BCAR3: variants seen among roughly 807,000 people sequenced by gnomAD.
The protein encoded by BCAR3 is breast cancer anti-estrogen resistance protein 3.
In BCAR3, 37 loss-of-function variants were observed where a neutral mutation model predicts 80.1. The ratio of observed to expected loss-of-function variants is 0.46; its 90% CI spans 0.36 to 0.61. The LOEUF (loss-of-function observed/expected upper bound fraction) is 0.61, where lower values mean the gene tolerates loss of function less well. Ranked by LOEUF, BCAR3 falls within the 20% of genes least tolerant of loss-of-function variation. BCAR3 has a pLI of 0.00. For synonymous variants in BCAR3, 389 were observed against 418.9 expected, an observed-to-expected ratio of 0.93 and a Z score of 0.87; for missense variants, 978 against 1,068.2, an observed-to-expected ratio of 0.92 and a Z score of 1.18.
chr1:93,666,499 G>A (rs753532709), intron 2 of BCAR3, among the ~76,000 whole-genome samples: 2 of 152,070 alleles, frequency 1.3e-5, no homozygotes, highest in Admixed American at 1.3e-4. Context: ...TTGTAGTTAC[G>A]TACTTAATGA....
intron 2 of BCAR3, among the ~76,000 whole-genome samples, chr1:93,809,895 TAGA>T (rs1414645651): frequency 6.6e-6 from 1 of 151,558 alleles, no homozygotes; most frequent in Non-Finnish European, 1.5e-5. Context: ...GGCATGCAGT[TAGA>T]AGGATATAAA....
At chr1:93,845,471 T>G (rs1005485257) in intron 2 of BCAR3, 9 of 1,490 alleles carry the variant, frequency 6.0e-3, no homozygotes, top group African/African-American at 0.022. Context: ...TTTATATATA[T>G]ATATATATAT....
At chr1:93,763,119 G>A (rs1234146269) in intron 2 of BCAR3, among the ~76,000 whole-genome samples, 1 of 152,110 alleles carries the variant, frequency 6.6e-6, no homozygotes, top group African/African-American at 2.4e-5. Flanking sequence ...TTACAAGTGT[G>A]GTAGCATGAA....
chr1:93,846,010 C>T (rs1655162819), intron 1 of BCAR3, among the ~76,000 whole-genome samples: 1 of 152,058 alleles, frequency 6.6e-6, no homozygotes, highest in South Asian at 2.1e-4. Context: ...AAATATGATT[C>T]ATCACAGTTC....
chr1:93,566,684 C>A (rs1025307819), intron 11 of BCAR3, among the ~76,000 whole-genome samples: 14 of 152,168 alleles, frequency 9.2e-5, no homozygotes, highest in Non-Finnish European at 1.8e-4. Context: ...CATCTTGGCA[C>A]ATCACCTTTT....
At chr1:93,714,289 C>G (rs1369770428) in intron 2 of BCAR3, among the ~76,000 whole-genome samples, 1 of 152,210 alleles carries the variant, frequency 6.6e-6, no homozygotes, top group Non-Finnish European at 1.5e-5. Context: ...CCCCATCATA[C>G]TTTTATTATG....
At chr1:93,571,602 T>C in intron 9 of BCAR3, 68 bp downstream of exon 9, 1 of 1,577,300 alleles carries the variant, frequency 6.3e-7, no homozygotes, top group Middle Eastern at 1.7e-4. Context: ...AATAGTCTGA[T>C]TTGCCAAACA....
At chr1:93,747,751 G>A (rs1651408128) in intron 2 of BCAR3, among the ~76,000 whole-genome samples, 1 of 151,588 alleles carries the variant, frequency 6.6e-6, no homozygotes, top group Non-Finnish European at 1.5e-5. Flanking sequence ...TTGCTTTGAG[G>A]ATAAAATCTA....
intron 2 of BCAR3, among the ~76,000 whole-genome samples, chr1:93,757,869 T>A (rs915560171): frequency 6.6e-6 from 1 of 152,188 alleles, no homozygotes; most frequent in Admixed American, 6.5e-5. Flanking sequence ...GAAATTTACA[T>A]GCAAATGTGC....
chr1:93,645,416 T>C (rs1238286532), intron 2 of BCAR3, among the ~76,000 whole-genome samples: 4 of 152,238 alleles, frequency 2.6e-5, no homozygotes, highest in African/African-American at 4.8e-5. Context: ...ATGGTCTTTG[T>C]GCACATTTAC....
At chr1:93,604,672 A>G (rs1407509097) in intron 3 of BCAR3, among the ~76,000 whole-genome samples, 2 of 152,168 alleles carry the variant, frequency 1.3e-5, no homozygotes, top group Non-Finnish European at 2.9e-5. Flanking sequence ...ACACATTCCC[A>G]TCCTGCCAGA....
chr1:93,796,341 T>C (rs1322574344), intron 2 of BCAR3, among the ~76,000 whole-genome samples: 4 of 142,442 alleles, frequency 2.8e-5, no homozygotes, highest in East Asian at 2.1e-4. Context: ...GAGCCAGGTG[T>C]GGGATATAGT....
intron 2 of BCAR3, among the ~76,000 whole-genome samples, chr1:93,749,055 G>A (rs1651452462): frequency 6.6e-6 from 1 of 152,030 alleles, no homozygotes; most frequent in Admixed American, 6.5e-5. Flanking sequence ...TAACTACAGG[G>A]CATTATATAG....
chr1:93,734,408 A>G (rs1352509436), intron 2 of BCAR3, among the ~76,000 whole-genome samples: 1 of 152,182 alleles, frequency 6.6e-6, no homozygotes, highest in Non-Finnish European at 1.5e-5. Context: ...CTGAGCTGGA[A>G]GGAAATGGTG....
intron 2 of BCAR3, among the ~76,000 whole-genome samples, chr1:93,666,321 C>G (rs1214496073): frequency 6.6e-6 from 1 of 152,112 alleles, no homozygotes; most frequent in Non-Finnish European, 1.5e-5. Flanking sequence ...TTTATTTAAC[C>G]TACTATTTCA....
intron 2 of BCAR3, among the ~76,000 whole-genome samples, chr1:93,649,476 G>GT (rs1193222035): frequency 6.6e-6 from 1 of 151,944 alleles, no homozygotes; most frequent in African/African-American, 2.4e-5. Context: ...AGGAAGTGTG[G>GT]TGAGTGTTCA....
chr1:93,835,637 A>C (rs1654737430), intron 2 of BCAR3, among the ~76,000 whole-genome samples: 1 of 152,188 alleles, frequency 6.6e-6, no homozygotes, highest in South Asian at 2.1e-4. Flanking sequence ...CATCGTGGAA[A>C]TCTATCCTCA....
intron 2 of BCAR3, among the ~76,000 whole-genome samples, chr1:93,664,294 T>C (rs1403625267): frequency 6.6e-6 from 1 of 152,176 alleles, no homozygotes; most frequent in Non-Finnish European, 1.5e-5. Context: ...TAATTTTGTA[T>C]TTTTAGTAGA....
At chr1:93,743,429 A>G (rs562914648) in intron 2 of BCAR3, among the ~76,000 whole-genome samples, 24 of 152,328 alleles carry the variant, frequency 1.6e-4, no homozygotes, top group South Asian at 1.0e-3. Context: ...AACAGCCCCA[A>G]TTGCTCCATA....
Sources: gnomAD v4.1 joint callset for allele counts (sites outside exome capture counted in the v4.1 genomes callset) on GRCh38, gnomAD v4.1.1 for gene constraint, MANE v1.5 for transcripts, NCBI Gene and HGNC (gene_info 2026-07-23, HGNC 2026-07-21) for gene names.